ZNF221: variants seen among roughly 807,000 people sequenced by gnomAD.
The protein encoded by ZNF221 is zinc finger protein 221.
A neutral mutation model predicts 12.6 loss-of-function variants in ZNF221; 10 were observed. That is an observed-to-expected ratio of 0.79 (90% CI 0.49 to 1.34). The LOEUF (loss-of-function observed/expected upper bound fraction) is 1.34, where lower values mean the gene tolerates loss of function less well. Among genes scored for constraint, ZNF221 ranks in the 40% most tolerant of loss-of-function variants. The pLI, the probability that ZNF221 is intolerant of heterozygous loss-of-function variation, is 0.00. For synonymous variants in ZNF221, 232 were observed against 244.0 expected (o/e 0.95, Z 0.46); for missense variants, 661 against 721.4 (o/e 0.92, Z 0.96).
chr19:43,964,450 A>T (rs1344732029), intron 2 of ZNF221, among the ~76,000 whole-genome samples: 1 of 152,220 alleles, frequency 6.6e-6, no homozygotes, highest in Non-Finnish European at 1.5e-5. Context: ...CATATAGAGG[A>T]TGCAATGCAT....
rs375360225 is a variant in ZNF221, at chr19:43,952,787, C to G, written c.-3+1387C>G. 6.1e-4 allele frequency among the ~76,000 whole-genome samples: 93 copies of G among 152,248 alleles called. 1 individual carries two copies. Among genetic ancestry groups the G allele is most frequent in the Middle Eastern group, 6.8e-3 (2 of 294 alleles). On this transcript the variant is annotated intron_variant, in intron 1 of 4. Coordinates refer to ENST00000587682, the MANE Select transcript of ZNF221 (RefSeq NM_001297588.2). Reference sequence around the variant, plus strand: ...CTCATGGGCTTGGACCTCTCTAGGACTCTTTTAAAACTTTGTCAACTATTT... The same window carrying G: ...CTCATGGGCTTGGACCTCTCTAGGAGTCTTTTAAAACTTTGTCAACTATTT...
chr19:43,966,600 C>G lies in ZNF221; in HGVS notation c.1098C>G (p.Tyr366Ter). Reference sequence around the variant, plus strand: ...TGGTCCACATAGAAGAGAAGCCATACAAATGTGAGCAATGTGGAAAAGGCT... The same window carrying G: ...TGGTCCACATAGAAGAGAAGCCATAGAAATGTGAGCAATGTGGAAAAGGCT... ...HSMVHIEEKPYKCEQCGKGFI... is the reference protein window; with the variant it reads ...HSMVHIEEKP The change falls in exon 5 of 5, where the codon TAC becomes TAG. Residue 366 changes from tyrosine to a stop codon, truncating the protein, a stop_gained. Transcript: ENST00000587682. LOFTEE classifies it low-confidence loss of function (END_TRUNC). 1 of 1,614,128 alleles carries G rather than the reference C, an allele frequency of 6.2e-7. No homozygotes were observed. Among genetic ancestry groups the G allele is most frequent in the Non-Finnish European group, 8.5e-7 (1 of 1,180,032 alleles).
the ZNF221 span, among the ~76,000 whole-genome samples, chr19:43,980,239 C>T: frequency 6.6e-6 from 1 of 152,304 alleles, no homozygotes; most frequent in Non-Finnish European, 1.5e-5. Flanking sequence ...TACACTGTTA[C>T]TTTATTTGTA....
At position 43,966,777 on chromosome 19, in the gene ZNF221, A is replaced by G. The variant is rs1161010194; in HGVS notation, c.1275A>G (p.Glu425=). The change falls in exon 5 of 5, where the codon GAA becomes GAG. Residue 425 remains glutamate, a synonymous_variant. Transcript: ENST00000587682. ...VHSGQKSFKC[E]ECGKGFYTNS... Reference sequence around the variant, plus strand: ...GTGGACAAAAATCCTTCAAATGTGAAGAATGTGGGAAGGGATTTTATACAA... The same window carrying G: ...GTGGACAAAAATCCTTCAAATGTGAGGAATGTGGGAAGGGATTTTATACAA... 1.2e-6 allele frequency: 2 copies of G among 1,614,196 alleles called. No individual in the cohort carries two copies. The highest frequency in any genetic ancestry group is 2.2e-5 in the South Asian group (2 of 91,088).
rs1389105763 is a variant in ZNF221 at position 43,966,044 on chromosome 19, A to G, written c.542A>G (p.Asp181Gly). Residue 181 changes from aspartate to glycine, a missense_variant, in exon 5 of 5, where the codon GAT (aspartate) becomes GGT (glycine). By Grantham distance (94) the Asp-to-Gly change is moderately conservative. Coordinates refer to ENST00000587682, the MANE Select transcript of ZNF221 (RefSeq NM_001297588.2). ...AATGAATGTAAACAGTCCTTCAGTGATGTTTCTGTCTTTGATCTTCATCAA... is the reference window on the plus strand; with the variant it reads ...AATGAATGTAAACAGTCCTTCAGTGGTGTTTCTGTCTTTGATCTTCATCAA... ...RCNECKQSFS[D>G]VSVFDLHQQS... 1.2e-6 allele frequency: 2 copies of G among 1,614,222 alleles called. No individual in the cohort carries two copies. Among genetic ancestry groups the G allele is most frequent in the Non-Finnish European group, 1.7e-6 (2 of 1,180,034 alleles).
At chr19:43,958,986 G>A (rs541309027) in intron 1 of ZNF221, among the ~76,000 whole-genome samples, 1 of 18,060 alleles carries the variant, frequency 5.5e-5, no homozygotes, top group South Asian at 7.2e-3. Flanking sequence ...TGGGTTTTTG[G>A]TTGTTTTTTT....
chr19:43,978,418 A>G, the ZNF221 span: 1 of 152,296 alleles, frequency 6.6e-6, no homozygotes, highest in East Asian at 1.9e-4. Context: ...TTCTTAAACT[A>G]TCACCAGATA....
downstream of ZNF221, among the ~76,000 whole-genome samples, chr19:43,970,818 AT>A (rs1333489378): frequency 6.6e-5 from 10 of 152,248 alleles, no homozygotes; most frequent in African/African-American, 2.4e-4. Flanking sequence ...GATGGGGAGA[AT>A]GGAAACAAGT....
intron 1 of ZNF221, among the ~76,000 whole-genome samples, chr19:43,959,530 A>G (rs118043010): frequency 6.6e-6 from 1 of 152,176 alleles, no homozygotes; most frequent in Admixed American, 6.5e-5. Flanking sequence ...TAAATGGCTT[A>G]GTGCTATCCC....
At chr19:43,969,938 C>T (rs1975060954), downstream of ZNF221, among the ~76,000 whole-genome samples, 1 of 152,214 alleles carries the variant, frequency 6.6e-6, no homozygotes. Flanking sequence ...TAAGTAGGTC[C>T]CTGATCCTGT....
chr19:43,966,171 A>C lies in ZNF221; in HGVS notation c.669A>C (p.Glu223Asp). ...LHIHQRVHMG[E>D]KCYKCDVCGK... ...TTCATCAGAGAGTCCATATGGGAGA[A>C]AAATGCTATAAGTGTGATGTGTGTG... is the stretch of plus-strand genomic sequence containing the variant. Residue 223 changes from glutamate to aspartate, a missense_variant, in exon 5 of 5, where the codon GAA (glutamate) becomes GAC (aspartate). Transcript: ENST00000587682. 1 of 1,614,216 alleles carries C rather than the reference A, an allele frequency of 6.2e-7. No individual in the cohort carries two copies. The highest frequency in any genetic ancestry group is 1.7e-5 in the Admixed American group (1 of 60,026).
the ZNF221 span, among the ~76,000 whole-genome samples, chr19:43,973,214 G>C: frequency 6.6e-6 from 1 of 152,164 alleles, no homozygotes; most frequent in East Asian, 1.9e-4. Flanking sequence ...CATGCTAAAA[G>C]CTCTCTGTAA....
the ZNF221 span, among the ~76,000 whole-genome samples, chr19:43,979,395 C>A: frequency 6.8e-6 from 1 of 147,362 alleles, no homozygotes; most frequent in Non-Finnish European, 1.5e-5. Flanking sequence ...AGACTACAGT[C>A]CCTAGTTATT....
intron 1 of ZNF221, among the ~76,000 whole-genome samples, chr19:43,952,530 A>G (rs1974691342): frequency 6.6e-6 from 1 of 152,208 alleles, no homozygotes; most frequent in East Asian, 1.9e-4. Flanking sequence ...CTCTGTGGAG[A>G]GGTACTGCCA....
At position 43,967,164 on chromosome 19, in the gene ZNF221, G is replaced by T. The variant is rs956455439; in HGVS notation, c.1662G>T (p.Arg554Ser). 13 of 1,591,008 alleles carry T rather than the reference G, an allele frequency of 8.2e-6. No individual in the cohort carries two copies. Among genetic ancestry groups the T allele is most frequent in the Non-Finnish European group, 1.0e-5 (12 of 1,164,950 alleles). The change falls in exon 5 of 5, where the codon AGG becomes AGT. Residue 554 changes from arginine to serine, a missense_variant. Coordinates refer to ENST00000587682, the MANE Select transcript of ZNF221 (RefSeq NM_001297588.2). The stretch of plus-strand genomic sequence containing the variant: ...AATTTAATCTTGACATGCACCAGAG[G>T]GTCCACGGGGGAGAGCGACCCTATA... Reference protein sequence around the residue: ...NSKFNLDMHQRVHGGERPYNC... With the variant: ...NSKFNLDMHQSVHGGERPYNC...
Position 43,951,920 on chromosome 19 carries a change from C to T in ZNF221, c.-3+520C>T, listed in dbSNP as rs1974678916. Among the ~76,000 whole-genome samples, 7 of 124,662 alleles carry T rather than the reference C, an allele frequency of 5.6e-5. 1 individual carries two copies. In the South Asian group the frequency reaches 2.0e-3, roughly 35 times the overall value. 81.8% of individuals were successfully genotyped at this position (124,662 alleles called of 152,430 possible). A position where few individuals can be genotyped will look rare whatever the true frequency, so the allele number is the denominator to read the frequency against. On this transcript the variant is annotated intron_variant, in intron 1 of 4. Transcript: ENST00000587682. ...ACGGAGTCTCGCTCTGTCGCCCAGG[C>T]TGGAGTGCAGTGGCGCGATCTCGGC...
intron 1 of ZNF221, among the ~76,000 whole-genome samples, chr19:43,959,516 G>T (rs438174): frequency 0.74 from 112,470 of 152,122 alleles, 43,558 homozygotes; most frequent in South Asian, 0.87. Flanking sequence ...GGGTGGGTCC[G>T]TCATAAATGG....
chr19:43,952,169 G>A lies in ZNF221; in HGVS notation c.-3+769G>A, dbSNP rs1309244072. ...ATTACAGGCGTGAGCCACCGCGCCC[G>A]GCCGTCTTTGACCTCTTATTTAGGA... is the stretch of plus-strand genomic sequence containing the variant. On this transcript the variant is annotated intron_variant, in intron 1 of 4. Transcript: ENST00000587682. Among the ~76,000 whole-genome samples, 4 of 152,136 alleles carry A rather than the reference G, an allele frequency of 2.6e-5. No homozygotes were observed. The East Asian group carries it at 7.7e-4, about 29-fold the overall frequency.
chr19:43,954,520 G>C (rs1295132406), intron 1 of ZNF221, among the ~76,000 whole-genome samples: 1 of 152,096 alleles, frequency 6.6e-6, no homozygotes, highest in Non-Finnish European at 1.5e-5. Context: ...ATTCAGATAG[G>C]GTAAGGTTAC....
Sources: allele counts gnomAD v4.1 joint callset (sites outside exome capture counted in the v4.1 genomes callset), GRCh38; gene constraint gnomAD v4.1.1; transcripts MANE v1.5; gene names NCBI Gene and HGNC (gene_info 2026-07-23, HGNC 2026-07-21).